DAPK2: variants seen among roughly 807,000 people sequenced by gnomAD.
DAPK2 encodes death associated protein kinase 2.
A neutral mutation model predicts 44.1 loss-of-function variants in DAPK2; 35 were observed. The observed-to-expected ratio is 0.79, with a 90% CI of 0.61 to 1.05. The LOEUF is 1.05. Ranked by LOEUF, DAPK2 falls within the 50% of genes least tolerant of loss-of-function variation. The pLI, the probability that DAPK2 is intolerant of heterozygous loss-of-function variation, is 0.00. For missense variants in DAPK2, 453 were observed against 483.2 expected, an observed-to-expected ratio of 0.94 and a Z score of 0.59; for synonymous variants, 174 against 182.6, an observed-to-expected ratio of 0.95 and a Z score of 0.38.
At chr15:64,003,841 A>T (rs898408604) in intron 1 of DAPK2, among the ~76,000 whole-genome samples, 2 of 152,188 alleles carry the variant, frequency 1.3e-5, no homozygotes, top group African/African-American at 2.4e-5. Context: ...CCTGACCTCA[A>T]GTGTCTGCCT....
intron 1 of DAPK2, among the ~76,000 whole-genome samples, chr15:64,007,211 C>T (rs2079257863): frequency 6.6e-6 from 1 of 152,054 alleles, no homozygotes; most frequent in African/African-American, 2.4e-5. Context: ...GTGATCCTCC[C>T]ACCTCAGCCT....
At chr15:64,027,401 CA>C (rs544662137) in intron 1 of DAPK2, among the ~76,000 whole-genome samples, 38 of 144,770 alleles carry the variant, frequency 2.6e-4, no homozygotes, top group African/African-American at 5.8e-4. Context: ...AAAAACAAAA[CA>C]AAAAAAAAAC....
chr15:63,912,387 GAGTTGCCTCTC>G lies in DAPK2; in HGVS notation c.859-201_859-191del, dbSNP rs1387031155. ...AGCTACACATGTCTCAGCTGTTCAG[GAGTTGCCTCTC>G]AGCTATTATTACCACAGCCTGACAC... On this transcript the variant is annotated intron_variant, in intron 8 of 10. Coordinates refer to ENST00000261891, the Ensembl canonical transcript of DAPK2. This position sits in a 1 kb window ranked among gnomAD's most constrained non-coding sequence, Gnocchi z 4.4. 5.9e-5 allele frequency among the ~76,000 whole-genome samples: 9 copies of G among 152,244 alleles called. No homozygotes were observed. The highest frequency in any genetic ancestry group is 5.9e-4 in the Admixed American group (9 of 15,288).
chr15:63,954,707 T>C (rs879882448), intron 3 of DAPK2, among the ~76,000 whole-genome samples: 6 of 152,218 alleles, frequency 3.9e-5, no homozygotes, highest in Non-Finnish European at 7.3e-5. Flanking sequence ...GGTATTTTTA[T>C]AGGGATTGCA....
intron 1 of DAPK2, among the ~76,000 whole-genome samples, chr15:64,032,772 G>A (rs576391610): frequency 1.1e-4 from 17 of 152,022 alleles, no homozygotes; most frequent in East Asian, 1.9e-4. Context: ...GTAACATGGC[G>A]AAACCCTGTC....
At chr15:63,986,011 G>A (rs2078658536) in intron 1 of DAPK2, among the ~76,000 whole-genome samples, 1 of 152,192 alleles carries the variant, frequency 6.6e-6, no homozygotes, top group South Asian at 2.1e-4. Flanking sequence ...GACTACGATG[G>A]CGCCAAATAC....
At chr15:64,005,007 T>A (rs1365910644) in intron 1 of DAPK2, among the ~76,000 whole-genome samples, 1 of 152,118 alleles carries the variant, frequency 6.6e-6, no homozygotes, top group African/African-American at 2.4e-5. Flanking sequence ...AGCACTTAAG[T>A]AAGGATGAAA....
intron 1 of DAPK2, among the ~76,000 whole-genome samples, chr15:64,016,838 GGGAAGGAAGGAAGGAAGGAAGGAA>G (rs56666247): frequency 0.039 from 4,617 of 118,152 alleles, 118 homozygotes; most frequent in Non-Finnish European, 0.051. Context: ...GAAGGAAGGA[GGGAAGGAAGGAAGGAAGGAAGGAA>G]GGAAGGAAGG....
chr15:63,931,873 A>C (rs1435700834), intron 4 of DAPK2, among the ~76,000 whole-genome samples: 1 of 152,062 alleles, frequency 6.6e-6, no homozygotes, highest in Non-Finnish European at 1.5e-5. Context: ...CAGAGTGTCA[A>C]GAAGGTATAG....
intron 1 of DAPK2, among the ~76,000 whole-genome samples, chr15:63,988,574 G>A (rs531624936): frequency 2.2e-4 from 33 of 149,770 alleles, no homozygotes; most frequent in African/African-American, 8.1e-4. Context: ...GCGCAATCTC[G>A]GCTCACTGCA....
Position 63,989,171 on chromosome 15 carries a change from G to A in DAPK2, c.93-5417C>T, listed in dbSNP as rs997935064. 2.1e-4 allele frequency among the ~76,000 whole-genome samples: 30 copies of A among 141,192 alleles called. No individual in the cohort carries two copies. In the East Asian group the frequency reaches 5.1e-3, roughly 24 times the overall value. The allele number at this position is 141,192 out of a possible 152,430, so 92.6% of individuals were successfully genotyped here. A position where few individuals can be genotyped will look rare whatever the true frequency, so the allele number is the denominator to read the frequency against. ...CTGCTGCACTGCAGCCTGGGTGACA[G>A]GGTGAGACTTTGTCTCCAAAAAAAA... On this transcript the variant is annotated intron_variant, in intron 1 of 10. Coordinates refer to ENST00000261891, the Ensembl canonical transcript of DAPK2.
chr15:64,004,619 C>T (rs2079179150), intron 1 of DAPK2, among the ~76,000 whole-genome samples: 1 of 152,214 alleles, frequency 6.6e-6, no homozygotes, highest in South Asian at 2.1e-4. Flanking sequence ...GGGGTCTCTG[C>T]TAGGCCTCAA....
chr15:63,964,514 C>A (rs2077997374), intron 3 of DAPK2, among the ~76,000 whole-genome samples: 1 of 152,132 alleles, frequency 6.6e-6, no homozygotes, highest in Non-Finnish European at 1.5e-5. Flanking sequence ...TTGGGAAGTT[C>A]TGTTATTATC....
chr15:63,936,332 GTGGCTCGC>G (rs2077146441), intron 4 of DAPK2, among the ~76,000 whole-genome samples: 1 of 152,086 alleles, frequency 6.6e-6, no homozygotes, highest in African/African-American at 2.4e-5. Context: ...GCCAGGAGCG[GTGGCTCGC>G]TGGCTCACGT....
At chr15:63,951,433 G>A (rs778320697) in intron 3 of DAPK2, among the ~76,000 whole-genome samples, 2 of 152,144 alleles carry the variant, frequency 1.3e-5, no homozygotes, top group Non-Finnish European at 2.9e-5. Flanking sequence ...TTCCATCTAT[G>A]TCAAGATAGG....
At position 63,966,102 on chromosome 15, in the gene DAPK2, C is replaced by A. The variant is rs1299215384; in HGVS notation, c.453+5321G>T. ...TCTCTGAGTGATACACTGGATGTCA[C>A]TGCTGACTATTCAGGGCCCAGGGCC... is the stretch of plus-strand genomic sequence containing the variant. On this transcript the variant is annotated intron_variant, in intron 3 of 10. Transcript: ENST00000261891. The surrounding 1 kb of genome is among the most constrained non-coding windows in gnomAD (Gnocchi z 5.5). Among the ~76,000 whole-genome samples, 1 of 152,232 alleles carries A rather than the reference C, an allele frequency of 6.6e-6. No homozygotes were observed. Among genetic ancestry groups the A allele is most frequent in the Non-Finnish European group, 1.5e-5 (1 of 68,040 alleles).
rs756699976 is a variant in DAPK2 at position 63,939,256 on chromosome 15, T to C, written c.559A>G (p.Ile187Val). The change falls in exon 4 of 11, where the codon ATT becomes GTT. Residue 187 changes from isoleucine to valine, a missense_variant. Transcript: ENST00000261891. This position sits in a 1 kb window ranked among gnomAD's most constrained non-coding sequence, Gnocchi z 4.3. ...CCAACAAATTCCGGCGTCCCAAAAA[T>C]ATTCTTAAATTCAACTCCATCTTCT... 52 of 1,613,798 alleles carry C rather than the reference T, an allele frequency of 3.2e-5. No homozygotes were observed. Among genetic ancestry groups the C allele is most frequent in the Non-Finnish European group, 4.0e-5 (47 of 1,179,998 alleles).
At chr15:63,928,038 T>C (rs1025224046) in intron 6 of DAPK2, among the ~76,000 whole-genome samples, 2 of 152,164 alleles carry the variant, frequency 1.3e-5, no homozygotes, top group African/African-American at 4.8e-5. Flanking sequence ...GATCCCTTCA[T>C]AGTTCAAATC....
rs778355750 is a variant in DAPK2, at chr15:63,939,259, T to C, written c.556A>G (p.Asn186Asp). 4 of 1,613,844 alleles carry C rather than the reference T, an allele frequency of 2.5e-6. No individual in the cohort carries two copies. In the African/African-American group the frequency reaches 5.3e-5, roughly 22 times the overall value. The change falls in exon 4 of 11, where the codon AAT becomes GAT. Residue 186 changes from asparagine to aspartate, a missense_variant. By Grantham distance (23) the Asn-to-Asp change is conservative (BLOSUM62 1). Coordinates refer to ENST00000261891, the Ensembl canonical transcript of DAPK2. The surrounding 1 kb of genome is among the most constrained non-coding windows in gnomAD (Gnocchi z 4.3). The stretch of plus-strand genomic sequence containing the variant: ...ACAAATTCCGGCGTCCCAAAAATAT[T>C]CTTAAATTCAACTCCATCTTCTATT...
Sources: gnomAD v4.1 joint callset for allele counts (sites outside exome capture counted in the v4.1 genomes callset) on GRCh38, gnomAD v4.1.1 for gene constraint, Gnocchi (gnomAD v3.1) non-coding constraint, MANE v1.5 for transcripts, NCBI Gene and HGNC (gene_info 2026-07-23, HGNC 2026-07-21) for gene names.